The following NR3C2 variants were observed in gnomAD, a reference collection of about 807,000 sequenced individuals.
The protein encoded by NR3C2 is mineralocorticoid receptor.
A neutral mutation model predicts 86.4 loss-of-function variants in NR3C2; 15 were observed. That is an observed-to-expected ratio of 0.17 (90% CI 0.12 to 0.27). NR3C2 has a LOEUF of 0.27. Among genes scored for constraint, NR3C2 ranks in the 10% least tolerant of loss-of-function variants. The pLI, the probability that NR3C2 is intolerant of heterozygous loss-of-function variation, is 1.00. For missense variants in NR3C2, 960 were observed against 1,195.6 expected, an observed-to-expected ratio of 0.80 and a Z score of 2.91; for synonymous variants, 458 against 450.5, an observed-to-expected ratio of 1.02 and a Z score of -0.21.
chr4:148,427,854 G>A (rs1208153574), intron 2 of NR3C2, among the ~76,000 whole-genome samples: 1 of 152,088 alleles, frequency 6.6e-6, no homozygotes, highest in Non-Finnish European at 1.5e-5. Context: ...GCTTCCATTG[G>A]CTTAATCAGG....
intron 4 of NR3C2, among the ~76,000 whole-genome samples, chr4:148,170,259 T>C (rs1578967419): frequency 6.6e-6 from 1 of 152,260 alleles, no homozygotes; most frequent in East Asian, 1.9e-4. Context: ...GATTCACTGG[T>C]CTATACTAAG....
Position 148,372,170 on chromosome 4 carries a change from G to A in NR3C2, c.1757+62934C>T, listed in dbSNP as rs551609311. ...TATTTAAAGTAAGTTCTATTCCTTG[G>A]TCAAACATAATAACATTAAATATCA... On this transcript the variant is annotated intron_variant, in intron 2 of 8. Coordinates refer to ENST00000358102, the MANE Select transcript of NR3C2 (RefSeq NM_000901.5). Among the ~76,000 whole-genome samples the A allele has an allele frequency of 9.9e-5, 15 of 152,056 alleles. No individual in the cohort carries two copies. The South Asian group carries it at 2.9e-3, about 29-fold the overall frequency.
chr4:148,322,649 C>T (rs1351640557), intron 2 of NR3C2, among the ~76,000 whole-genome samples: 1 of 96,272 alleles, frequency 1.0e-5, no homozygotes, highest in East Asian at 3.2e-4. Flanking sequence ...TTGCTGATAC[C>T]CTTTCTTCCA....
At chr4:148,414,789 G>C (rs1387706440) in intron 2 of NR3C2, among the ~76,000 whole-genome samples, 1 of 152,046 alleles carries the variant, frequency 6.6e-6, no homozygotes, top group African/African-American at 2.4e-5. Context: ...AAAATATTTA[G>C]TTTTTACTAT....
rs142233763 is a variant in NR3C2 at position 148,221,755 on chromosome 4, G to A, written c.1898-26893C>T. Reference sequence around the variant, plus strand: ...TAGAAATACAAAAAATTAGCTGGGCGTGGTGGCAGGTGCCTGTAATCTCAG... The same window carrying A: ...TAGAAATACAAAAAATTAGCTGGGCATGGTGGCAGGTGCCTGTAATCTCAG... On this transcript the variant is annotated intron_variant, in intron 3 of 8. Transcript: ENST00000358102. Among the ~76,000 whole-genome samples the A allele has an allele frequency of 2.8e-3, 426 of 152,020 alleles. 13 individuals carry two copies. The East Asian group carries it at 0.066, about 24-fold the overall frequency.
intron 4 of NR3C2, among the ~76,000 whole-genome samples, chr4:148,172,534 C>T (rs200661488): frequency 1.3e-5 from 2 of 152,106 alleles, no homozygotes; most frequent in East Asian, 3.9e-4. Context: ...GTTAAAATAC[C>T]ATCGTTTGGA....
chr4:148,329,430 T>C (rs1198124729), intron 2 of NR3C2, among the ~76,000 whole-genome samples: 1 of 152,164 alleles, frequency 6.6e-6, no homozygotes, highest in Non-Finnish European at 1.5e-5. Context: ...AACATCTTCA[T>C]TTTCTAAGTC....
chr4:148,381,984 T>TTA (rs754121894), intron 2 of NR3C2, among the ~76,000 whole-genome samples: 4 of 152,182 alleles, frequency 2.6e-5, no homozygotes, highest in Non-Finnish European at 5.9e-5. Context: ...ATCTCCTATT[T>TTA]TATATAAACC....
chr4:148,268,347 G>C (rs780151434), intron 2 of NR3C2, among the ~76,000 whole-genome samples: 15 of 152,016 alleles, frequency 9.9e-5, no homozygotes, highest in Non-Finnish European at 2.2e-4. Context: ...TATTATCTTT[G>C]CTGACAAATG....
chr4:148,421,103 C>T (rs764781481), intron 2 of NR3C2, among the ~76,000 whole-genome samples: 6 of 152,198 alleles, frequency 3.9e-5, no homozygotes, highest in Non-Finnish European at 8.8e-5. Context: ...AAAATCAGTA[C>T]TGAACAGAGC....
chr4:148,204,131 T>C (rs1736879639), intron 3 of NR3C2, among the ~76,000 whole-genome samples: 1 of 152,252 alleles, frequency 6.6e-6, no homozygotes, highest in Non-Finnish European at 1.5e-5. Flanking sequence ...TAAGAATTTT[T>C]ATGTATATTT....
intron 3 of NR3C2, among the ~76,000 whole-genome samples, chr4:148,217,973 G>A (rs3846309): frequency 0.97 from 147,065 of 152,306 alleles, 71,206 homozygotes; most frequent in East Asian, 1. Context: ...CAAATCTACT[G>A]TAACTACATG....
chr4:148,435,408 C>T lies in NR3C2; in HGVS notation c.1453G>A (p.Glu485Lys), dbSNP rs1423534803. The stretch of plus-strand genomic sequence containing the variant: ...ATACCCACTGGGAATCCGCTGCCTT[C>T]ACAGTTACCATCAAAGCCGGGCACA... ...PPVPGFDGNC[E>K]GSGFPVGIKQ... The change falls in exon 2 of 9, where the codon GAA (glutamate) becomes AAA (lysine). Residue 485 changes from glutamate (E) to lysine (K), a missense_variant. Coordinates refer to ENST00000358102, the MANE Select transcript of NR3C2 (RefSeq NM_000901.5). 1 of 1,614,168 alleles carries T rather than the reference C, an allele frequency of 6.2e-7. No individual in the cohort carries two copies.
intron 6 of NR3C2, among the ~76,000 whole-genome samples, chr4:148,136,052 G>A (rs1468284630): frequency 5.5e-5 from 2 of 36,378 alleles, no homozygotes; most frequent in African/African-American, 1.7e-4. Context: ...GCGAGACTCC[G>A]TCTCAAAAAA....
In NR3C2 at chr4:148,258,112, T is replaced by C. The variant is rs72655228; in HGVS notation, c.1897+1866A>G. On this transcript the variant is annotated intron_variant, in intron 3 of 8. Transcript: ENST00000358102. ...GCAGATTCTACAAACAGCCAAAATG[T>C]GGGTTCTGACATGAAGGTGGATCTA... Among the ~76,000 whole-genome samples, 479 of 152,300 alleles carry C rather than the reference T, an allele frequency of 3.1e-3. 5 individuals are homozygous for C. Among genetic ancestry groups the C allele is most frequent in the African/African-American group, 0.011 (438 of 41,566 alleles).
intron 6 of NR3C2, among the ~76,000 whole-genome samples, chr4:148,139,893 T>C (rs1733529859): frequency 6.6e-6 from 1 of 152,198 alleles, no homozygotes; most frequent in Non-Finnish European, 1.5e-5. Flanking sequence ...AGAGGAAAAT[T>C]ATAAAACCAA....
chr4:148,205,264 T>C (rs777463702), intron 3 of NR3C2, among the ~76,000 whole-genome samples: 2 of 152,234 alleles, frequency 1.3e-5, no homozygotes, highest in African/African-American at 4.8e-5. Context: ...TTATTTGATA[T>C]GTGTTTGTTT....
chr4:148,364,860 A>T (rs1226098596), intron 2 of NR3C2, among the ~76,000 whole-genome samples: 2 of 149,830 alleles, frequency 1.3e-5, no homozygotes, highest in African/African-American at 4.9e-5. Flanking sequence ...AATGAGATAT[A>T]TTGGGGATGG....
At chr4:148,412,080 T>A (rs1748735344) in intron 2 of NR3C2, among the ~76,000 whole-genome samples, 1 of 152,274 alleles carries the variant, frequency 6.6e-6, no homozygotes, top group South Asian at 2.1e-4. Context: ...AAGTGTAAGT[T>A]TCCTCATCAG....
Sources: gnomAD v4.1 joint callset for allele counts (sites outside exome capture counted in the v4.1 genomes callset) on GRCh38, gnomAD v4.1.1 for gene constraint, MANE v1.5 for transcripts, NCBI Gene and HGNC (gene_info 2026-07-23, HGNC 2026-07-21) for gene names.